The following CSMD1 variants were observed in gnomAD, a reference collection of about 807,000 sequenced individuals.
The protein encoded by CSMD1 is CUB and sushi domain-containing protein 1.
CSMD1 carries 213 observed loss-of-function variants against 417.5 expected under a neutral mutation model. The observed-to-expected ratio is 0.51, with a 90% CI of 0.46 to 0.57. CSMD1 has a LOEUF of 0.57. CSMD1 is among the 20% of genes least tolerant of loss of function. The pLI, the probability that CSMD1 is intolerant of heterozygous loss-of-function variation, is 0.00. For synonymous variants in CSMD1, 2,862 were observed against 1,736.8 expected, an observed-to-expected ratio of 1.65 and a Z score of -16.11; for missense variants, 6,923 against 4,529.7, an observed-to-expected ratio of 1.53 and a Z score of -15.17.
intron 12 of CSMD1, among the ~76,000 whole-genome samples, chr8:3,450,662 G>C (rs1815645527): frequency 1.3e-5 from 2 of 151,866 alleles, no homozygotes; most frequent in Non-Finnish European, 2.9e-5. Flanking sequence ...TTTCATGGCT[G>C]CGTAGTATTC....
At chr8:4,032,165 A>G in intron 3 of CSMD1, 66 bp from the exon 4 acceptor site, 2 of 1,167,628 alleles carry the variant, frequency 1.7e-6, no homozygotes, top group Non-Finnish European at 1.2e-6. Flanking sequence ...CACTTATAAG[A>G]TAAAACAGAC....
chr8:4,521,376 A>C (rs1290805312), intron 2 of CSMD1, among the ~76,000 whole-genome samples: 1 of 152,176 alleles, frequency 6.6e-6, no homozygotes, highest in African/African-American at 2.4e-5. Flanking sequence ...TAAAATAGAA[A>C]AAGAAAAAAC....
intron 3 of CSMD1, among the ~76,000 whole-genome samples, chr8:4,072,711 T>C (rs1019110657): frequency 2.0e-5 from 3 of 152,204 alleles, no homozygotes; most frequent in African/African-American, 7.2e-5. Context: ...GAATTGGGAA[T>C]ACAGAAATGA....
At chr8:4,142,399 T>C (rs1803844036) in intron 3 of CSMD1, among the ~76,000 whole-genome samples, 1 of 151,026 alleles carries the variant, frequency 6.6e-6, no homozygotes, top group Admixed American at 6.6e-5. Flanking sequence ...GACAGTTTTC[T>C]TTGGGTCAAT....
Position 4,095,134 on chromosome 8 carries a change from G to A in CSMD1, c.416-63035C>T, listed in dbSNP as rs146528057. ...TGACGGATATGGAAAGAACTTGGGA[G>A]GAAGAGAGGTAGGATGTGCTGAGAA... is the stretch of plus-strand genomic sequence containing the variant. On this transcript the variant is annotated intron_variant, in intron 3 of 69. Transcript: ENST00000635120. Among the ~76,000 whole-genome samples, 949 of 152,278 alleles carry A rather than the reference G, an allele frequency of 6.2e-3. 6 individuals are homozygous for A. The highest frequency in any genetic ancestry group is 0.01 in the Middle Eastern group (3 of 294).
At chr8:4,257,570 G>C (rs749722105) in intron 3 of CSMD1, among the ~76,000 whole-genome samples, 12 of 152,242 alleles carry the variant, frequency 7.9e-5, no homozygotes, top group African/African-American at 2.6e-4. Flanking sequence ...AAGAAATAGA[G>C]ATTTATAAAA....
At chr8:3,277,936 G>A (rs1277214853) in intron 26 of CSMD1, among the ~76,000 whole-genome samples, 1 of 152,174 alleles carries the variant, frequency 6.6e-6, no homozygotes, top group African/African-American at 2.4e-5. Flanking sequence ...CACATGAAAA[G>A]CTGAGTAAAA....
chr8:3,890,863 G>C (rs1251908632), intron 5 of CSMD1, among the ~76,000 whole-genome samples: 1 of 152,114 alleles, frequency 6.6e-6, no homozygotes, highest in Non-Finnish European at 1.5e-5. Context: ...TATACAATGA[G>C]AGGATGAAAG....
At chr8:4,655,323 G>A (rs1804159228) in intron 1 of CSMD1, among the ~76,000 whole-genome samples, 1 of 152,040 alleles carries the variant, frequency 6.6e-6, no homozygotes, top group African/African-American at 2.4e-5. Context: ...TTCCTCAATG[G>A]CCACTGGTTG....
At position 4,738,903 on chromosome 8, in the gene CSMD1, T is replaced by TTGTGTGTGTG. The variant is rs34836566; in HGVS notation, c.86-101355_86-101346dup. The stretch of plus-strand genomic sequence containing the variant: ...CTATTATACTTAAAATTCTGTGTGT[T>TTGTGTGTGTG]TGTGTGTGTGTGTGTGTGTATGTGT... On this transcript the variant is annotated intron_variant, in intron 1 of 69. Transcript: ENST00000635120. Among the ~76,000 whole-genome samples the TTGTGTGTGTG allele has an allele frequency of 6.0e-3, 888 of 147,486 alleles. 8 individuals carry two copies. Among genetic ancestry groups the TTGTGTGTGTG allele is most frequent in the Middle Eastern group, 0.025 (7 of 280 alleles).
At chr8:4,367,064 C>A (rs1408519678) in intron 3 of CSMD1, among the ~76,000 whole-genome samples, 1 of 152,078 alleles carries the variant, frequency 6.6e-6, no homozygotes, top group Non-Finnish European at 1.5e-5. Context: ...TCCCACTTGT[C>A]AATTTTTATT....
At chr8:4,441,118 TAA>T (rs1167039607) in intron 2 of CSMD1, among the ~76,000 whole-genome samples, 1 of 142,782 alleles carries the variant, frequency 7.0e-6, no homozygotes, top group Non-Finnish European at 1.5e-5. Context: ...TTTTTTTTTT[TAA>T]GAGATAGGGT....
intron 2 of CSMD1, among the ~76,000 whole-genome samples, chr8:4,482,379 G>C (rs978132933): frequency 6.6e-6 from 1 of 152,128 alleles, no homozygotes; most frequent in African/African-American, 2.4e-5. Context: ...GTTTGCTAAG[G>C]ATAATGGCCT....
At chr8:4,803,461 G>C (rs984298791) in intron 1 of CSMD1, among the ~76,000 whole-genome samples, 1 of 152,154 alleles carries the variant, frequency 6.6e-6, no homozygotes, top group South Asian at 2.1e-4. Context: ...TGATAGGAGA[G>C]GAGGGTTAGG....
intron 3 of CSMD1, among the ~76,000 whole-genome samples, chr8:4,096,982 G>T (rs1801046864): frequency 6.6e-6 from 1 of 152,050 alleles, no homozygotes; most frequent in African/African-American, 2.4e-5. Context: ...AAATTCAAAG[G>T]GATGGGCAGA....
intron 7 of CSMD1, 52 bp downstream of exon 7, chr8:3,708,362 C>T: frequency 6.7e-7 from 1 of 1,492,732 alleles, no homozygotes; most frequent in Non-Finnish European, 9.3e-7. Context: ...TCCATTCTCT[C>T]CTCTGCTTAC....
At chr8:4,154,321 G>T (rs10096187) in intron 3 of CSMD1, among the ~76,000 whole-genome samples, 1 of 152,052 alleles carries the variant, frequency 6.6e-6, no homozygotes, top group Non-Finnish European at 1.5e-5. Context: ...TATTTAAGTT[G>T]AAAGGATGTA....
intron 5 of CSMD1, among the ~76,000 whole-genome samples, chr8:3,813,643 G>C (rs144285562): frequency 2.0e-5 from 3 of 152,064 alleles, no homozygotes; most frequent in South Asian, 4.1e-4. Flanking sequence ...AACATATTAT[G>C]TTAATTATAC....
chr8:3,300,361 G>T (rs535415769), intron 25 of CSMD1, among the ~76,000 whole-genome samples: 16,863 of 150,960 alleles, frequency 0.11, 976 homozygotes, highest in Middle Eastern at 0.17. Context: ...ACATTTAGGG[G>T]TTTTTTTTTC....
Sources: gnomAD v4.1 joint callset for allele counts (sites outside exome capture counted in the v4.1 genomes callset) on GRCh38, gnomAD v4.1.1 for gene constraint, MANE v1.5 for transcripts, NCBI Gene and HGNC (gene_info 2026-07-23, HGNC 2026-07-21) for gene names.